The following ERICH1 variants were observed in gnomAD, a reference collection of about 807,000 sequenced individuals.
ERICH1 encodes glutamate rich 1, also known as glutamate-rich protein 1.
Under a neutral mutation model 39.6 loss-of-function variants are expected in ERICH1, and 56 were observed. The observed-to-expected ratio is 1.41, with a 90% confidence interval of 1.14 to 1.77. The LOEUF (loss-of-function observed/expected upper bound fraction) is 1.77. Ranked by LOEUF, ERICH1 falls within the 40% of genes most tolerant of loss-of-function variation. ERICH1 has a pLI of 0.00. For synonymous variants in ERICH1, 313 were observed against 223.6 expected, an observed-to-expected ratio of 1.40 and a Z score of -3.57; for missense variants, 826 against 575.4, an observed-to-expected ratio of 1.44 and a Z score of -4.45.
chr8:680,868 T>A (rs750202117), intron 3 of ERICH1, among the ~76,000 whole-genome samples: 6 of 152,314 alleles, frequency 3.9e-5, no homozygotes, highest in Admixed American at 6.5e-5. Context: ...CTGTGAGTCC[T>A]GGGGTCTGTG....
chr8:634,378 G>C (rs1269722041), intron 3 of ERICH1, among the ~76,000 whole-genome samples: 1 of 151,732 alleles, frequency 6.6e-6, no homozygotes, highest in East Asian at 2.0e-4. Flanking sequence ...TGCACTGTTG[G>C]CGGGAATGTG....
intron 2 of ERICH1, among the ~76,000 whole-genome samples, chr8:703,414 C>A (rs1242663551): frequency 6.6e-6 from 1 of 152,136 alleles, no homozygotes; most frequent in East Asian, 1.9e-4. Flanking sequence ...CGAGACACAG[C>A]AGACACGAGA....
In ERICH1 at chr8:631,611, C is replaced by T. The variant is rs996391198; in HGVS notation, c.977-16327G>A. 6.6e-5 allele frequency among the ~76,000 whole-genome samples: 10 copies of T among 152,196 alleles called. No individual in the cohort carries two copies. The South Asian group carries it at 8.3e-4, about 13-fold the overall frequency. On this transcript the variant is annotated intron_variant, in intron 3 of 3. Transcript: ENST00000522706. ...CACTGCCAGGGAGTGGGGGCAATGC[C>T]GAGAGTTTTTTGTTTGTTTGTTTAC...
chr8:673,891 C>T lies in ERICH1; in HGVS notation c.461G>A (p.Gly154Asp), dbSNP rs1014159505. 6.2e-7 allele frequency: 1 copy of T among 1,613,432 alleles called. No individual in the cohort carries two copies. Among genetic ancestry groups the T allele is most frequent in the Non-Finnish European group, 8.5e-7 (1 of 1,180,006 alleles). The stretch of plus-strand genomic sequence containing the variant: ...TTTTTTATTTTTGCTTATTGTGGTG[C>T]CATCTGTGTGCTGTCGCTGAGATTT... ...QEKSQRQHTD[G>D]TTISKNKKRK... The change falls in exon 4 of 6, where the codon GGC becomes GAC. Residue 154 changes from glycine (G) to aspartate (D), a missense_variant. Coordinates refer to ENST00000262109, the MANE Select transcript of ERICH1 (RefSeq NM_207332.3).
At chr8:717,617 T>C (rs1311085272) in intron 1 of ERICH1, among the ~76,000 whole-genome samples, 2 of 152,178 alleles carry the variant, frequency 1.3e-5, no homozygotes, top group Non-Finnish European at 2.9e-5. Context: ...TTATCCAACA[T>C]CTTCATAAGC....
intron 2 of ERICH1, among the ~76,000 whole-genome samples, chr8:707,937 A>G (rs951499416): frequency 1.4e-4 from 21 of 152,192 alleles, no homozygotes; most frequent in African/African-American, 4.8e-4. Flanking sequence ...ACCAATTCCG[A>G]CAACTCAGCA....
intron 3 of ERICH1, among the ~76,000 whole-genome samples, chr8:634,987 G>A (rs1240966048): frequency 2.0e-5 from 3 of 152,106 alleles, no homozygotes; most frequent in Admixed American, 6.5e-5. Context: ...CACGGTGGCC[G>A]TCGGAGTTCC....
chr8:710,092 G>C (rs796899855), intron 2 of ERICH1, among the ~76,000 whole-genome samples: 1 of 152,158 alleles, frequency 6.6e-6, no homozygotes, highest in Non-Finnish European at 1.5e-5. Flanking sequence ...CGTCAGAGCC[G>C]TACATTCTTA....
chr8:667,832 CACTT>C (rs1802508161), intron 5 of ERICH1: 1 of 152,660 alleles, frequency 6.6e-6, no homozygotes, highest in South Asian at 2.1e-4. Flanking sequence ...CCACTCCCGA[CACTT>C]ACTCTGAAAC....
At chr8:660,330 T>TG (rs1394618850), downstream of ERICH1, among the ~76,000 whole-genome samples, 2 of 152,236 alleles carry the variant, frequency 1.3e-5, no homozygotes, top group African/African-American at 4.8e-5. Flanking sequence ...GCAGGCCTGA[T>TG]GGAGTCAAAT....
rs1239814604 is a variant in ERICH1 at position 692,512 on chromosome 8, G to C, written c.270C>G (p.Ser90Arg). 1.9e-6 allele frequency: 3 copies of C among 1,613,936 alleles called. No individual in the cohort carries two copies. Among genetic ancestry groups the C allele is most frequent in the African/African-American group, 1.3e-5 (1 of 75,026 alleles). Residue 90 changes from serine to arginine, a missense_variant, in exon 3 of 6, where the codon AGC becomes AGG. Transcript: ENST00000262109. ...PCWPEPSSCG[S>R]PENASSGDDT... The stretch of plus-strand genomic sequence containing the variant: ...CATCCCCGCTGGAGGCGTTCTCGGG[G>C]CTCCCACAGCTGCTGGGCTCCGGCC...
At chr8:615,511 C>G (rs1301286528) in intron 3 of ERICH1, 5 of 434,626 alleles carry the variant, frequency 1.2e-5, no homozygotes, top group African/African-American at 4.1e-5. Flanking sequence ...ACCATTCCTG[C>G]AAAGGGAAGG....
At chr8:655,689 TTCCTTCCTTCCTTC>T (rs1800562090) in intron 3 of ERICH1, among the ~76,000 whole-genome samples, 1 of 150,982 alleles carries the variant, frequency 6.6e-6, no homozygotes, top group Non-Finnish European at 1.5e-5. Context: ...CCTTCCTTCC[TTCCTTCCTTCCTTC>T]CTTCTTTCCT....
chr8:630,555 A>T (rs1276468603), intron 3 of ERICH1, among the ~76,000 whole-genome samples: 5 of 78,712 alleles, frequency 6.4e-5, no homozygotes, highest in East Asian at 4.1e-4. Flanking sequence ...CAGAGCTGAC[A>T]CACACCCTTC....
intron 3 of ERICH1, among the ~76,000 whole-genome samples, chr8:640,262 T>C (rs1798836614): frequency 6.6e-6 from 1 of 152,184 alleles, no homozygotes; most frequent in Non-Finnish European, 1.5e-5. Flanking sequence ...TGTTAATTCT[T>C]TCTATTTTGG....
intron 1 of ERICH1, among the ~76,000 whole-genome samples, chr8:721,679 T>C (rs1268731856): frequency 6.6e-6 from 1 of 152,200 alleles, no homozygotes; most frequent in East Asian, 1.9e-4. Flanking sequence ...CCTGCAGATA[T>C]GGACACGATT....
rs930020546 is a variant in ERICH1 at position 650,856 on chromosome 8, C to T, written c.976+17742G>A. On this transcript the variant is annotated intron_variant, in intron 3 of 3. Coordinates refer to the ERICH1 transcript ENST00000522706. Reference sequence around the variant, plus strand: ...GCTTCAACGATTCATGGTGAAAGGTCCGACTGAGAGCCCTGGAGTGTGTTA... The same window carrying T: ...GCTTCAACGATTCATGGTGAAAGGTTCGACTGAGAGCCCTGGAGTGTGTTA... 2.6e-5 allele frequency among the ~76,000 whole-genome samples: 4 copies of T among 152,232 alleles called. No homozygotes were observed. The East Asian group carries it at 7.7e-4, about 29-fold the overall frequency.
chr8:726,339 A>G (rs12549459), intron 1 of ERICH1, among the ~76,000 whole-genome samples: 58,021 of 151,858 alleles, frequency 0.38, 12,269 homozygotes, highest in Middle Eastern at 0.52. Flanking sequence ...GCAGGCACAC[A>G]ACACACAGGC....
At position 668,740 on chromosome 8, in the gene ERICH1, C is replaced by G; in HGVS notation, c.1116G>C (p.Leu372=). ...TGCTGTGTGACGCAAGGCGGTCCAG[C>G]AGCTCCTCAGCGGCATCTGCGAGGG... is the stretch of plus-strand genomic sequence containing the variant. ...SAALADAAEE[L]LDRLASHSML... Residue 372 remains leucine, a synonymous_variant, in exon 5 of 6, where the codon CTG becomes CTC. Coordinates refer to ENST00000262109, the MANE Select transcript of ERICH1 (RefSeq NM_207332.3). The G allele has an allele frequency of 6.2e-7, 1 of 1,613,694 alleles. No individual in the cohort carries two copies. The highest frequency in any genetic ancestry group is 8.5e-7 in the Non-Finnish European group (1 of 1,179,828).
Sources: gnomAD v4.1 joint callset for allele counts (sites outside exome capture counted in the v4.1 genomes callset) on GRCh38, gnomAD v4.1.1 for gene constraint, MANE v1.5 for transcripts, NCBI Gene and HGNC (gene_info 2026-07-23, HGNC 2026-07-21) for gene names.